Variants in RRM2 observed in about 807,000 individuals in gnomAD.
The protein encoded by RRM2 is ribonucleoside-diphosphate reductase subunit M2.
RRM2 carries 6 observed loss-of-function variants against 45.9 expected under a neutral mutation model. The ratio of observed to expected loss-of-function variants is 0.13; its 90% confidence interval spans 0.07 to 0.26. The LOEUF (loss-of-function observed/expected upper bound fraction) is 0.26. Among genes scored for constraint, RRM2 ranks in the 10% least tolerant of loss-of-function variants. RRM2 has a pLI of 1.00. For missense variants in RRM2, 343 were observed against 489.5 expected (o/e 0.70, Z 2.82); for synonymous variants, 177 against 173.0 (o/e 1.02, Z -0.18).
At position 10,122,876 on chromosome 2, in the gene RRM2, C is replaced by A. The variant is rs762629128; in HGVS notation, c.78C>A (p.Ser26Arg). The change falls in exon 1 of 10, where the codon AGC becomes AGA. Residue 26 changes from serine (S) to arginine (R), a missense_variant. Around this residue, in one of 2 missense-constraint regions of RRM2, gnomAD observed 131 missense variants for 121.4 expected, o/e 1.08. Coordinates refer to ENST00000304567, the MANE Select transcript of RRM2 (RefSeq NM_001034.4). ...AGCTCTCGCCGCTGAAGGGGCTCAG[C>A]TTGGTCGACAAGGAGAACACGGTGA... ...QLQLSPLKGL[S>R]LVDKENTPPA... 12 of 1,597,136 alleles carry A rather than the reference C, an allele frequency of 7.5e-6. No individual in the cohort carries two copies. The South Asian group carries it at 1.2e-4, about 17-fold the overall frequency.
intron 3 of RRM2, among the ~76,000 whole-genome samples, chr2:10,161,772 C>T (rs563692361): frequency 2.6e-5 from 4 of 152,260 alleles, no homozygotes; most frequent in Middle Eastern, 6.8e-3. Flanking sequence ...GGAAGAACAA[C>T]GGGCATTCCT....
intron 3 of RRM2, among the ~76,000 whole-genome samples, chr2:10,157,556 C>T (rs928682590): frequency 3.3e-5 from 5 of 152,268 alleles, no homozygotes; most frequent in South Asian, 2.1e-4. Context: ...GGCCGCTGCT[C>T]GGTGTGGTAC....
intron 3 of RRM2, among the ~76,000 whole-genome samples, chr2:10,192,121 C>T (rs1012043556): frequency 2.6e-3 from 2 of 780 alleles, no homozygotes; most frequent in East Asian, 0.029. Context: ...CCAGAGCTCC[C>T]GGAGCCGCAG....
intron 3 of RRM2, among the ~76,000 whole-genome samples, chr2:10,188,234 G>A (rs1489916451): frequency 6.6e-6 from 1 of 152,168 alleles, no homozygotes; most frequent in African/African-American, 2.4e-5. Flanking sequence ...GTGCTCCCTC[G>A]GTGTCTGTCA....
At position 10,195,038 on chromosome 2, in the gene RRM2, C is replaced by T. The variant is rs191417997; in HGVS notation, n.483-15273C>T. Among the ~76,000 whole-genome samples, 38 of 152,334 alleles carry T rather than the reference C, an allele frequency of 2.5e-4. No homozygotes were observed. The highest frequency in any genetic ancestry group is 7.5e-4 in the African/African-American group (31 of 41,568). On this transcript the variant is annotated intron_variant and non_coding_transcript_variant, in intron 3 of 3. Transcript: ENST00000381786. The surrounding 1 kb of genome is among the most constrained non-coding windows in gnomAD (Gnocchi z 4.9). ...AGGCACGTGACCACCAAAACCCTCA[C>T]GAGGCCATGTGGTCGTGGCTACGGG...
chr2:10,141,673 GA>G, intron 1 of RRM2: 1 of 811,684 alleles, frequency 1.2e-6, no homozygotes, highest in Non-Finnish European at 1.9e-6. Flanking sequence ...GGGGAGGCAG[GA>G]AGGAGGGCAA....
Position 10,123,380 on chromosome 2 carries a change from C to T in RRM2, c.175-7C>T, listed in dbSNP as rs771607029. ...GTACTTAAATGTTTTATTTTCTCCC[C>T]CAACAGAAAACTAAAGCAGCTGCCC... On this transcript the variant is annotated splice_polypyrimidine_tract_variant and splice_region_variant and intron_variant, in intron 2 of 9. Transcript: ENST00000304567. The T allele has an allele frequency of 1.2e-6, 2 of 1,600,582 alleles. No individual in the cohort carries two copies. Among genetic ancestry groups the T allele is most frequent in the Admixed American group, 1.8e-5 (1 of 54,548 alleles).
rs769606335 is a variant in RRM2 at position 10,123,076 on chromosome 2, G to T, written c.174+19G>T. 3.9e-6 allele frequency: 6 copies of T among 1,540,794 alleles called. No homozygotes were observed. The African/African-American group carries it at 5.4e-5, about 14-fold the overall frequency. On this transcript the variant is annotated intron_variant, in intron 2 of 9. Coordinates refer to ENST00000304567, the MANE Select transcript of RRM2 (RefSeq NM_001034.4). ...GGAGCCGGTGAGTGGCGGGCGTGGG[G>T]CAGAGGGGCCAGGGACGGCCTTGGG...
At position 10,130,014 on chromosome 2, in the gene RRM2, C is replaced by T. The variant is rs1662863755; in HGVS notation, c.*628C>T. The T allele has an allele frequency of 6.6e-6, 1 of 152,156 alleles. No homozygotes were observed. The allele number at this position is 152,156 out of a possible 1,614,324, so 9.4% of individuals were successfully genotyped here. A position where few individuals can be genotyped will look rare whatever the true frequency, so the allele number is the denominator to read the frequency against. On this transcript the variant is annotated 3_prime_UTR_variant, in exon 10 of 10. Coordinates refer to ENST00000304567, the MANE Select transcript of RRM2 (RefSeq NM_001034.4). ...TACCTAGATATTAGTCAGTTGGTGC[C>T]AGATAGAAGACAGGTTGTGTTTTTA...
chr2:10,148,890 C>G (rs1663246707), intron 3 of RRM2, among the ~76,000 whole-genome samples: 1 of 152,238 alleles, frequency 6.6e-6, no homozygotes, highest in African/African-American at 2.4e-5. Context: ...TCTCTGTAAT[C>G]TCTTTACACC....
chr2:10,163,402 G>A (rs1663610240), intron 3 of RRM2, among the ~76,000 whole-genome samples: 1 of 152,126 alleles, frequency 6.6e-6, no homozygotes, highest in South Asian at 2.1e-4. Flanking sequence ...GGGGCACCAA[G>A]CTCCACATGT....
At chr2:10,197,247 C>T (rs927552142) in intron 3 of RRM2, among the ~76,000 whole-genome samples, 3 of 152,226 alleles carry the variant, frequency 2.0e-5, no homozygotes, top group Non-Finnish European at 4.4e-5. Context: ...CAGGTAGTCA[C>T]AGCTCTGTGA....
In RRM2 at chr2:10,203,427, G is replaced by T. The variant is rs563676318; in HGVS notation, n.483-6884G>T. Among the ~76,000 whole-genome samples, 8 of 152,274 alleles carry T rather than the reference G, an allele frequency of 5.3e-5. No homozygotes were observed. The South Asian group carries it at 1.5e-3, about 28-fold the overall frequency. On this transcript the variant is annotated intron_variant and non_coding_transcript_variant, in intron 3 of 3. Coordinates refer to the RRM2 transcript ENST00000381786. Reference sequence around the variant, plus strand: ...GTAACAATAGTGGCACCTACGCATAGATTGTTCTTGGGGGGTAAATGAATT... The same window carrying T: ...GTAACAATAGTGGCACCTACGCATATATTGTTCTTGGGGGGTAAATGAATT...
intron 3 of RRM2, among the ~76,000 whole-genome samples, chr2:10,194,246 C>T (rs548358713): frequency 1.7e-4 from 26 of 152,310 alleles, no homozygotes; most frequent in Admixed American, 1.4e-3. Flanking sequence ...CGGGCTCAGT[C>T]GTGGACAAAG....
At chr2:10,170,638 A>G (rs1019755883) in intron 3 of RRM2, among the ~76,000 whole-genome samples, 1 of 152,016 alleles carries the variant, frequency 6.6e-6, no homozygotes, top group Non-Finnish European at 1.5e-5. Context: ...CATCAGCCCC[A>G]GCTGGGTCAT....
chr2:10,206,518 T>C (rs1057112907), intron 3 of RRM2, among the ~76,000 whole-genome samples: 4 of 151,462 alleles, frequency 2.6e-5, no homozygotes, highest in African/African-American at 9.7e-5. Context: ...GACAAACACA[T>C]GAAAAACACA....
chr2:10,137,079 G>C (rs576420321), upstream of RRM2, among the ~76,000 whole-genome samples: 74 of 152,364 alleles, frequency 4.9e-4, no homozygotes, highest in Admixed American at 1.8e-3. Flanking sequence ...GGATAAGGTT[G>C]ATTTTCCTGC....
At chr2:10,134,015 C>A (rs1662947480), downstream of RRM2, among the ~76,000 whole-genome samples, 1 of 151,774 alleles carries the variant, frequency 6.6e-6, no homozygotes, top group South Asian at 2.1e-4. Flanking sequence ...CCCATCTCTA[C>A]TAAAAATACA....
Position 10,127,168 on chromosome 2 carries a change from G to A in RRM2, c.746G>A (p.Arg249Gln), listed in dbSNP as rs1224722704. The A allele has an allele frequency of 6.2e-7, 1 of 1,614,164 alleles. No homozygotes were observed. The highest frequency in any genetic ancestry group is 1.7e-5 in the Admixed American group (1 of 60,022). Residue 249 changes from arginine (R) to glutamine (Q), a missense_variant, in exon 7 of 10, where the codon CGA becomes CAA. By Grantham distance (43) the Arg-to-Gln change is conservative. Transcript: ENST00000304567. The surrounding 1 kb of genome is among the most constrained non-coding windows in gnomAD (Gnocchi z 4.1). The stretch of plus-strand genomic sequence containing the variant: ...GCGTCGATATTCTGGCTCAAGAAAC[G>A]AGGACTGATGCCTGGCCTCACATTT... ...SFASIFWLKK[R>Q]GLMPGLTFSN...
Sources: gnomAD v4.1 joint callset for allele counts (sites outside exome capture counted in the v4.1 genomes callset) on GRCh38, gnomAD v4.1.1 for gene constraint, gnomAD v4.1.1 regional missense constraint, Gnocchi (gnomAD v3.1) non-coding constraint, MANE v1.5 for transcripts, NCBI Gene and HGNC (gene_info 2026-07-23, HGNC 2026-07-21) for gene names.